The following IPCEF1 variants were observed in gnomAD, a reference collection of about 807,000 sequenced individuals.
IPCEF1 encodes interactor protein for cytohesin exchange factors 1.
Under a neutral mutation model 50.9 loss-of-function variants are expected in IPCEF1, and 31 were observed. That is an observed-to-expected ratio of 0.61 (90% CI 0.46 to 0.82). IPCEF1 has a LOEUF of 0.82. Ranked by LOEUF, IPCEF1 falls within the 40% of genes least tolerant of loss-of-function variation. The pLI is 0.00. For synonymous variants in IPCEF1, 181 were observed against 192.0 expected (o/e 0.94, Z 0.47); for missense variants, 458 against 514.0 (o/e 0.89, Z 1.05).
intron 5 of IPCEF1, among the ~76,000 whole-genome samples, chr6:154,225,186 A>T (rs937996303): frequency 6.6e-6 from 1 of 152,162 alleles, no homozygotes; most frequent in Non-Finnish European, 1.5e-5. Context: ...ACTCCCTTTG[A>T]GCATCATGTT....
At chr6:154,180,046 G>A (rs780856538) in intron 10 of IPCEF1, among the ~76,000 whole-genome samples, 1 of 152,178 alleles carries the variant, frequency 6.6e-6, no homozygotes, top group Non-Finnish European at 1.5e-5. Context: ...GGAAGAGAAA[G>A]CAACTAGAGT....
chr6:154,212,840 C>G lies in IPCEF1; in HGVS notation c.467G>C (p.Ser156Thr). 6.2e-7 allele frequency: 1 copy of G among 1,611,946 alleles called. No homozygotes were observed. ...TTKDEECYSESEQEDPEIAAE... is the reference protein window; with the variant it reads ...TTKDEECYSETEQEDPEIAAE... ...AGCTATTTCTGGATCTTCCTGTTCA[C>G]TTTCACTGTAACATTCTATAACAAA... Residue 156 changes from serine (S) to threonine (T), a missense_variant, in exon 9 of 12, where the codon AGT becomes ACT. Ser to Thr is a moderately conservative substitution (Grantham distance 58). Transcript: ENST00000367220.
intron 3 of IPCEF1, among the ~76,000 whole-genome samples, chr6:154,262,712 A>ATC: frequency 9.2e-6 from 1 of 108,168 alleles, no homozygotes; most frequent in East Asian, 1.6e-3. Flanking sequence ...CAACAATCCT[A>ATC]ATCCTTTCTT....
In IPCEF1 at chr6:154,303,092, C is replaced by CTTT. The variant is rs71021038; in HGVS notation, c.-61-13339_-61-13337dup. ...CAACTATATTATAGCTATGATAGCA[C>CTTT]TTTTTTTTTTTTTTTTTTTGACAGA... On this transcript the variant is annotated intron_variant, in intron 1 of 11. Transcript: ENST00000367220. Among the ~76,000 whole-genome samples the CTTT allele has an allele frequency of 1.8e-3, 222 of 121,378 alleles. 8 individuals are homozygous for CTTT. The highest frequency in any genetic ancestry group is 5.1e-3 in the Middle Eastern group (1 of 198). 79.6% of individuals were successfully genotyped at this position (121,378 alleles called of 152,430 possible).
chr6:154,308,940 A>G (rs1362469987), intron 1 of IPCEF1, among the ~76,000 whole-genome samples: 1 of 152,260 alleles, frequency 6.6e-6, no homozygotes, highest in Non-Finnish European at 1.5e-5. Context: ...GTCTGCTAAA[A>G]ATGGTTTGCA....
At chr6:154,222,099 G>A (rs1778912330) in intron 6 of IPCEF1, among the ~76,000 whole-genome samples, 1 of 152,188 alleles carries the variant, frequency 6.6e-6, no homozygotes, top group East Asian at 1.9e-4. Flanking sequence ...CGTCCACTCT[G>A]CAGCAACACA....
intron 4 of IPCEF1, 105 bp from the exon 5 acceptor site, chr6:154,246,865 ACC>A: frequency 3.2e-6 from 4 of 1,254,912 alleles, no homozygotes; most frequent in Non-Finnish European, 4.1e-6. Flanking sequence ...TTAATTGTTA[ACC>A]CCCCGGGGAG....
intron 1 of IPCEF1, among the ~76,000 whole-genome samples, chr6:154,321,850 AAT>A (rs2128687832): frequency 6.6e-6 from 1 of 151,294 alleles, no homozygotes; most frequent in East Asian, 1.9e-4. Context: ...AGGAGGAGAT[AAT>A]TCTCAAGTCT....
chr6:154,174,183 G>C (rs1800107614), intron 10 of IPCEF1, among the ~76,000 whole-genome samples: 1 of 152,104 alleles, frequency 6.6e-6, no homozygotes, highest in Admixed American at 6.5e-5. Context: ...TACTAAACAT[G>C]GAAAGACACA....
At chr6:154,335,138 C>T (rs1396326959) in intron 1 of IPCEF1, among the ~76,000 whole-genome samples, 7 of 152,090 alleles carry the variant, frequency 4.6e-5, no homozygotes, top group Non-Finnish European at 1.5e-5. Context: ...CATAGTGAGA[C>T]CCTGTCTCTA....
chr6:154,309,948 G>C (rs939387936), intron 1 of IPCEF1, among the ~76,000 whole-genome samples: 1 of 152,036 alleles, frequency 6.6e-6, no homozygotes, highest in African/African-American at 2.4e-5. Context: ...ATTTTTAGTA[G>C]AGACAGGGTT....
intron 1 of IPCEF1, among the ~76,000 whole-genome samples, chr6:154,340,714 T>C (rs1257560430): frequency 6.6e-6 from 1 of 151,728 alleles, no homozygotes; most frequent in South Asian, 2.1e-4. Context: ...GGAGAAACCC[T>C]GTCTCTACTA....
intron 9 of IPCEF1, among the ~76,000 whole-genome samples, chr6:154,206,834 G>A (rs1239770369): frequency 2.0e-5 from 3 of 152,224 alleles, no homozygotes; most frequent in Non-Finnish European, 4.4e-5. Flanking sequence ...TGTCTGGAAC[G>A]CTTTTGGGGA....
chr6:154,341,585 G>A (rs570964929), intron 1 of IPCEF1, among the ~76,000 whole-genome samples: 1 of 152,240 alleles, frequency 6.6e-6, no homozygotes, highest in Non-Finnish European at 1.5e-5. Flanking sequence ...AATCAGTTCC[G>A]GATCTTTTAA....
chr6:154,183,854 C>T (rs1485838746), intron 10 of IPCEF1, among the ~76,000 whole-genome samples: 1 of 152,068 alleles, frequency 6.6e-6, no homozygotes, highest in Non-Finnish European at 1.5e-5. Flanking sequence ...CATGCCACTG[C>T]ACTCCAGCCT....
chr6:154,185,335 G>A (rs1353328081), intron 10 of IPCEF1, among the ~76,000 whole-genome samples: 1 of 152,184 alleles, frequency 6.6e-6, no homozygotes, highest in African/African-American at 2.4e-5. Flanking sequence ...CAAATATGAA[G>A]ATATTCACAA....
intron 1 of IPCEF1, chr6:154,330,152 G>C (rs1220102121): frequency 6.6e-6 from 1 of 152,020 alleles, no homozygotes; most frequent in Non-Finnish European, 1.5e-5. Flanking sequence ...TTCTCGGATA[G>C]AGCACAGCAA....
chr6:154,163,443 A>G (rs112430612), intron 11 of IPCEF1, among the ~76,000 whole-genome samples: 100 of 152,320 alleles, frequency 6.6e-4, no homozygotes, highest in African/African-American at 2.3e-3. Flanking sequence ...TTAAATATCA[A>G]TTCCTCAACA....
chr6:154,192,554 A>G (rs1394795334), intron 10 of IPCEF1, among the ~76,000 whole-genome samples: 1 of 152,160 alleles, frequency 6.6e-6, no homozygotes, highest in Non-Finnish European at 1.5e-5. Flanking sequence ...CAAAAGAAAC[A>G]ATCAGCAGAG....
Sources: gnomAD v4.1 joint callset for allele counts (sites outside exome capture counted in the v4.1 genomes callset) on GRCh38, gnomAD v4.1.1 for gene constraint, MANE v1.5 for transcripts, NCBI Gene and HGNC (gene_info 2026-07-23, HGNC 2026-07-21) for gene names.